CHD7: variants seen among roughly 807,000 people sequenced by gnomAD.
The protein encoded by CHD7 is ATP-dependent chromatin remodeler CHD7.
In CHD7, 24 loss-of-function variants were observed where a neutral mutation model predicts 307.3. The ratio of observed to expected loss-of-function variants is 0.08; its 90% confidence interval spans 0.06 to 0.11. The LOEUF (loss-of-function observed/expected upper bound fraction) is 0.11, where lower values mean the gene tolerates loss of function less well. CHD7 is among the 10% of genes least tolerant of loss of function. The pLI is 1.00. For synonymous variants in CHD7, 1,363 were observed against 1,349.9 expected (o/e 1.01, Z -0.21); for missense variants, 3,106 against 3,727.1 (o/e 0.83, Z 4.34).
intron 35 of CHD7, chr8:60,861,706 A>G (rs1805986839): frequency 6.5e-6 from 1 of 153,634 alleles, no homozygotes; most frequent in Non-Finnish European, 1.4e-5. Flanking sequence ...ATTTTTTAAA[A>G]CTTAAATGTA....
At chr8:60,693,835 A>G (rs1329975877) in intron 1 of CHD7, among the ~76,000 whole-genome samples, 1 of 152,266 alleles carries the variant, frequency 6.6e-6, no homozygotes, top group African/African-American at 2.4e-5. Context: ...TAGCAGCTGA[A>G]GGCCTTTTGG....
chr8:60,687,089 A>G (rs1805941112), intron 1 of CHD7, among the ~76,000 whole-genome samples: 1 of 152,230 alleles, frequency 6.6e-6, no homozygotes, highest in Non-Finnish European at 1.5e-5. Flanking sequence ...TTATATCAAC[A>G]TTTTAGAAAT....
At chr8:60,681,386 T>C (rs915683011) in intron 1 of CHD7, among the ~76,000 whole-genome samples, 2 of 152,208 alleles carry the variant, frequency 1.3e-5, no homozygotes, top group African/African-American at 4.8e-5. Flanking sequence ...ATGGCAGCTT[T>C]CATTTGACTG....
chr8:60,804,322 T>C (rs1052013975), intron 6 of CHD7, among the ~76,000 whole-genome samples: 22 of 152,126 alleles, frequency 1.4e-4, no homozygotes, highest in African/African-American at 4.4e-4. Flanking sequence ...CATTCATCTT[T>C]GGAGGATAAT....
Position 60,836,055 on chromosome 8 carries a change from G to C in CHD7, c.3779-18G>C. ...AAACCTTTTACAGTATTCACGTTAT[G>C]CTGTCCAATCTCTGCAGGTGCTGAA... On this transcript the variant is annotated intron_variant, in intron 15 of 37. Transcript: ENST00000423902. 1 of 1,576,472 alleles carries C rather than the reference G, an allele frequency of 6.3e-7. No individual in the cohort carries two copies. The highest frequency in any genetic ancestry group is 8.7e-7 in the Non-Finnish European group (1 of 1,152,038).
intron 2 of CHD7, among the ~76,000 whole-genome samples, chr8:60,743,684 T>G (rs1212782657): frequency 6.6e-6 from 1 of 152,262 alleles, no homozygotes; most frequent in Non-Finnish European, 1.5e-5. Flanking sequence ...AAGATTTGGA[T>G]ACCCAGCACT....
chr8:60,804,527 C>T (rs1284147174), intron 6 of CHD7, among the ~76,000 whole-genome samples: 1 of 152,120 alleles, frequency 6.6e-6, no homozygotes, highest in Admixed American at 6.6e-5. Flanking sequence ...TTGTCATGTC[C>T]TTATTTTTTC....
chr8:60,862,706 C>T (rs938509143), intron 37 of CHD7, 54 bp downstream of exon 37: 6 of 1,190,802 alleles, frequency 5.0e-6, no homozygotes, highest in Non-Finnish European at 7.3e-6. Context: ...AACTGTTTTC[C>T]TTAGTCTTTC....
At chr8:60,771,003 A>T (rs1238412414) in intron 2 of CHD7, among the ~76,000 whole-genome samples, 1 of 152,224 alleles carries the variant, frequency 6.6e-6, no homozygotes, top group Non-Finnish European at 1.5e-5. Flanking sequence ...TGTGATGTGC[A>T]GCAAATTTCT....
intron 1 of CHD7, among the ~76,000 whole-genome samples, chr8:60,708,126 A>G (rs1807105740): frequency 6.6e-6 from 1 of 152,224 alleles, no homozygotes; most frequent in Non-Finnish European, 1.5e-5. Context: ...AATTTGGTCT[A>G]GGAGAAATAG....
intron 4 of CHD7, among the ~76,000 whole-genome samples, chr8:60,795,664 A>G (rs1811993341): frequency 6.6e-6 from 1 of 152,200 alleles, no homozygotes; most frequent in South Asian, 2.1e-4. Context: ...TCTGCAGAAT[A>G]TTCTCCCGAC....
At position 60,836,207 on chromosome 8, in the gene CHD7, G is replaced by A. The variant is rs1246333602; in HGVS notation, c.3913G>A (p.Gly1305Ser). 6.2e-7 allele frequency: 1 copy of A among 1,613,968 alleles called. No individual in the cohort carries two copies. Among genetic ancestry groups the A allele is most frequent in the Admixed American group, 1.7e-5 (1 of 60,012 alleles). Reference sequence around the variant, plus strand: ...CAAGCTGCTGCCAAAACTGAAGGCTGGTGGCCACAGGGTGCTTATCTTTTC... The same window carrying A: ...CAAGCTGCTGCCAAAACTGAAGGCTAGTGGCCACAGGGTGCTTATCTTTTC... ...IDKLLPKLKA[G>S]GHRVLIFSQM... is the part of the protein sequence containing the mutation. The change falls in exon 16 of 38, where the codon GGT (glycine) becomes AGT (serine). Residue 1305 changes from glycine (G) to serine (S), a missense_variant. Gly to Ser is a moderately conservative substitution (Grantham distance 56). Around this residue, in one of 10 missense-constraint regions of CHD7, gnomAD observed 232 missense variants for 422.5 expected, o/e 0.55. Coordinates refer to ENST00000423902, the MANE Select transcript of CHD7 (RefSeq NM_017780.4).
intron 37 of CHD7, chr8:60,864,664 G>GATA: frequency 4.0e-6 from 1 of 251,870 alleles, no homozygotes. Flanking sequence ...TGACTGTGTA[G>GATA]TCACCCTGTT....
At chr8:60,819,931 C>A in intron 8 of CHD7, 76 bp from the exon 9 acceptor site, 2 of 971,486 alleles carry the variant, frequency 2.1e-6, no homozygotes, top group South Asian at 1.4e-5. Flanking sequence ...AATATTATTG[C>A]TTGGTGAAAA....
At chr8:60,759,405 C>T (rs1365785186) in intron 2 of CHD7, among the ~76,000 whole-genome samples, 2 of 151,386 alleles carry the variant, frequency 1.3e-5, no homozygotes, top group East Asian at 3.9e-4. Context: ...CTCTCTCTCT[C>T]CGCCTCCCTT....
chr8:60,771,835 G>A (rs1023722726), intron 2 of CHD7, among the ~76,000 whole-genome samples: 1 of 152,178 alleles, frequency 6.6e-6, no homozygotes. Flanking sequence ...GCACCATGTT[G>A]GGTTCCCTGG....
intron 2 of CHD7, among the ~76,000 whole-genome samples, chr8:60,747,426 TAATA>T (rs1809387365): frequency 6.6e-6 from 1 of 152,188 alleles, no homozygotes; most frequent in African/African-American, 2.4e-5. Context: ...TATTTAAAAA[TAATA>T]AACCATTATG....
chr8:60,724,160 G>A (rs796735248), intron 1 of CHD7, among the ~76,000 whole-genome samples: 2 of 152,212 alleles, frequency 1.3e-5, no homozygotes, highest in African/African-American at 4.8e-5. Context: ...TTCGTCGGGG[G>A]TTTGCTCCAC....
chr8:60,753,762 C>T (rs1245251055), intron 2 of CHD7, among the ~76,000 whole-genome samples: 1 of 151,572 alleles, frequency 6.6e-6, no homozygotes, highest in Non-Finnish European at 1.5e-5. Flanking sequence ...GTACCTGGGG[C>T]TACAGTCGCC....
Sources: gnomAD v4.1 joint callset for allele counts (sites outside exome capture counted in the v4.1 genomes callset) on GRCh38, gnomAD v4.1.1 for gene constraint, gnomAD v4.1.1 regional missense constraint, MANE v1.5 for transcripts, NCBI Gene and HGNC (gene_info 2026-07-23, HGNC 2026-07-21) for gene names.